The following GRAMD1C variants were observed in gnomAD, a reference collection of about 807,000 sequenced individuals.
GRAMD1C encodes protein Aster-C.
Under a neutral mutation model 97.8 loss-of-function variants are expected in GRAMD1C, and 89 were observed. The observed-to-expected ratio is 0.91, with a 90% CI of 0.77 to 1.09. The LOEUF is 1.09. Among genes scored for constraint, GRAMD1C ranks in the 50% least tolerant of loss-of-function variants. The probability of loss-of-function intolerance (pLI) is 0.00; values close to 1 mark genes in which losing one functional copy is unlikely to be tolerated. For synonymous variants in GRAMD1C, 256 were observed against 267.0 expected, an observed-to-expected ratio of 0.96 and a Z score of 0.40; for missense variants, 740 against 766.4, an observed-to-expected ratio of 0.97 and a Z score of 0.41.
rs1935543498 is a variant in GRAMD1C at position 113,887,282 on chromosome 3, G to A, written c.540+4450G>A. On this transcript the variant is annotated intron_variant, in intron 6 of 17. Transcript: ENST00000358160. ...ATTTTTGGTATTTTTAGTAGAGGTGGGGTTTCACCATATTGGTCAGGCTGG... is the reference window on the plus strand; with the variant it reads ...ATTTTTGGTATTTTTAGTAGAGGTGAGGTTTCACCATATTGGTCAGGCTGG... Among the ~76,000 whole-genome samples the A allele has an allele frequency of 4.0e-5, 6 of 151,050 alleles. No homozygotes were observed. In the South Asian group the frequency reaches 1.3e-3, roughly 31 times the overall value.
intron 6 of GRAMD1C, among the ~76,000 whole-genome samples, chr3:113,895,351 G>T (rs2107435285): frequency 6.6e-6 from 1 of 152,278 alleles, no homozygotes; most frequent in East Asian, 1.9e-4. Flanking sequence ...GCTCGTGAGT[G>T]TGGCTTATAT....
At chr3:113,829,434 A>C (rs992693480) in intron 1 of GRAMD1C, among the ~76,000 whole-genome samples, 1 of 151,976 alleles carries the variant, frequency 6.6e-6, no homozygotes, top group Admixed American at 6.6e-5. Context: ...ATAGAGAGAG[A>C]CCCTGTCTCA....
intron 2 of GRAMD1C, among the ~76,000 whole-genome samples, chr3:113,856,521 C>A (rs199882522): frequency 8.0e-5 from 10 of 125,174 alleles, no homozygotes; most frequent in Middle Eastern, 4.5e-3. Context: ...TTATTTATTT[C>A]TTTATGTATG....
chr3:113,915,683 G>T lies in GRAMD1C; in HGVS notation c.953-18G>T. 1.3e-6 allele frequency: 2 copies of T among 1,599,212 alleles called. No individual in the cohort carries two copies. Among genetic ancestry groups the T allele is most frequent in the Non-Finnish European group, 1.7e-6 (2 of 1,170,308 alleles). On this transcript the variant is annotated intron_variant, in intron 9 of 17. Coordinates refer to ENST00000358160, the MANE Select transcript of GRAMD1C (RefSeq NM_017577.5). ...TCTTTGATTTCTTCTCTTTTGGTTT[G>T]TGTTTCTGTTTTTCCAGAAAATGTT... is the stretch of plus-strand genomic sequence containing the variant.
Position 113,930,836 on chromosome 3 carries a change from C to A in GRAMD1C, c.1209+4C>A. Reference sequence around the variant, plus strand: ...CACTGCTGCCACTGAAAAGCAGGTACGTCTGCTTTGTCAGTGTCCAGAAGA... The same window carrying A: ...CACTGCTGCCACTGAAAAGCAGGTAAGTCTGCTTTGTCAGTGTCCAGAAGA... On this transcript the variant is annotated splice_donor_region_variant and intron_variant, in intron 11 of 17. Transcript: ENST00000358160. The A allele has an allele frequency of 6.9e-7, 1 of 1,446,512 alleles. No homozygotes were observed. Among genetic ancestry groups the A allele is most frequent in the Non-Finnish European group, 9.7e-7 (1 of 1,027,520 alleles). 89.6% of individuals were successfully genotyped at this position (1,446,512 alleles called of 1,614,324 possible). A position where few individuals can be genotyped will look rare whatever the true frequency, so the allele number is the denominator to read the frequency against.
intron 7 of GRAMD1C, among the ~76,000 whole-genome samples, chr3:113,901,537 A>G (rs954759073): frequency 4.0e-4 from 61 of 152,216 alleles, no homozygotes; most frequent in African/African-American, 1.4e-3. Flanking sequence ...AGTGCTTAGC[A>G]TGTGGTTGGC....
chr3:113,942,675 G>A (rs1937861359), intron 17 of GRAMD1C, among the ~76,000 whole-genome samples: 1 of 152,206 alleles, frequency 6.6e-6, no homozygotes, highest in South Asian at 2.1e-4. Flanking sequence ...TTTCTGGTAT[G>A]TACTGCTATC....
intron 9 of GRAMD1C, among the ~76,000 whole-genome samples, chr3:113,913,613 A>G (rs1274943037): frequency 6.6e-6 from 1 of 152,152 alleles, no homozygotes; most frequent in Admixed American, 6.6e-5. Context: ...GCTTTATAGC[A>G]GTAAGAAGGT....
intron 10 of GRAMD1C, among the ~76,000 whole-genome samples, chr3:113,926,616 GT>G (rs1174760126): frequency 6.6e-6 from 1 of 152,166 alleles, no homozygotes; most frequent in Non-Finnish European, 1.5e-5. Context: ...TCTTGCACTG[GT>G]TCTTTCTCAT....
rs113114127 is a variant in GRAMD1C at position 113,889,074 on chromosome 3, C to T, written c.540+6242C>T. ...AATTAGCCGGGCGTGGTGGCACATG[C>T]CTGTAATCCCAGCTACTCGGGAGGC... On this transcript the variant is annotated intron_variant, in intron 6 of 17. Coordinates refer to ENST00000358160, the MANE Select transcript of GRAMD1C (RefSeq NM_017577.5). 7.8e-3 allele frequency among the ~76,000 whole-genome samples: 1,193 copies of T among 152,286 alleles called. 15 individuals carry two copies. The highest frequency in any genetic ancestry group is 0.013 in the Non-Finnish European group (906 of 68,010).
chr3:113,905,131 G>C lies in GRAMD1C; in HGVS notation c.789+859G>C, dbSNP rs1936323585. 2.0e-5 allele frequency among the ~76,000 whole-genome samples: 3 copies of C among 152,336 alleles called. No homozygotes were observed. In the South Asian group the frequency reaches 6.2e-4, roughly 32 times the overall value. On this transcript the variant is annotated intron_variant, in intron 8 of 17. Coordinates refer to ENST00000358160, the MANE Select transcript of GRAMD1C (RefSeq NM_017577.5). ...TCACAGGCATGAGCCAGCATGCCCG[G>C]CCAACACTTCAGTTTTTTATTCCAG...
At chr3:113,896,481 A>G (rs945870754) in intron 6 of GRAMD1C, among the ~76,000 whole-genome samples, 2 of 152,154 alleles carry the variant, frequency 1.3e-5, no homozygotes, top group African/African-American at 4.8e-5. Flanking sequence ...GTGGTTTGGT[A>G]TAAGGATTTT....
At chr3:113,882,544 T>C (rs992080163) in intron 5 of GRAMD1C, among the ~76,000 whole-genome samples, 1 of 152,174 alleles carries the variant, frequency 6.6e-6, no homozygotes, top group Non-Finnish European at 1.5e-5. Context: ...TATTGGAAGA[T>C]AAAATTAGTA....
chr3:113,927,428 G>A (rs1264864068), intron 10 of GRAMD1C, among the ~76,000 whole-genome samples: 1 of 152,136 alleles, frequency 6.6e-6, no homozygotes, highest in Non-Finnish European at 1.5e-5. Context: ...CCTGCAGCAA[G>A]AATTACACTC....
intron 6 of GRAMD1C, among the ~76,000 whole-genome samples, chr3:113,886,300 A>C (rs1935474927): frequency 6.6e-6 from 1 of 152,200 alleles, no homozygotes. Flanking sequence ...AGCCTAGGGG[A>C]GCCGAATCAG....
At chr3:113,881,037 T>G (rs1400366070) in intron 5 of GRAMD1C, among the ~76,000 whole-genome samples, 1 of 152,242 alleles carries the variant, frequency 6.6e-6, no homozygotes, top group Non-Finnish European at 1.5e-5. Context: ...ATTTTAGTTG[T>G]TTTGGGTTCT....
In GRAMD1C at chr3:113,892,314, A is replaced by T. The variant is rs1418525713; in HGVS notation, c.541-8717A>T. Among the ~76,000 whole-genome samples, 3 of 151,936 alleles carry T rather than the reference A, an allele frequency of 2.0e-5. No individual in the cohort carries two copies. The East Asian group carries it at 5.8e-4, about 30-fold the overall frequency. On this transcript the variant is annotated intron_variant, in intron 6 of 17. Transcript: ENST00000358160. The stretch of plus-strand genomic sequence containing the variant: ...TGTTGAAACCCTGTCTCTACTAAAA[A>T]TACAAAAATCAGCTGCGCGTGGTGG...
intron 6 of GRAMD1C, among the ~76,000 whole-genome samples, chr3:113,891,897 A>C (rs1935741951): frequency 6.6e-6 from 1 of 151,696 alleles, no homozygotes; most frequent in Admixed American, 6.6e-5. Flanking sequence ...AAAAAAAAAA[A>C]ATTAAGTTCA....
intron 9 of GRAMD1C, among the ~76,000 whole-genome samples, chr3:113,914,483 T>C (rs994036802): frequency 2.6e-5 from 4 of 152,332 alleles, no homozygotes; most frequent in South Asian, 2.1e-4. Context: ...CTGACTAATA[T>C]TGACAGATGC....
Sources: allele counts gnomAD v4.1 joint callset (sites outside exome capture counted in the v4.1 genomes callset), GRCh38; gene constraint gnomAD v4.1.1; transcripts MANE v1.5; gene names NCBI Gene and HGNC (gene_info 2026-07-23, HGNC 2026-07-21).